VPS37A: variants seen among roughly 807,000 people sequenced by gnomAD.
VPS37A encodes the protein vacuolar protein sorting-associated protein 37A.
In VPS37A, 30 loss-of-function variants were observed where a neutral mutation model predicts 49.8. The observed-to-expected ratio is 0.60, with a 90% CI of 0.45 to 0.82. VPS37A has a LOEUF of 0.82. Ranked by LOEUF, VPS37A falls within the 40% of genes least tolerant of loss-of-function variation. VPS37A has a pLI of 0.00. For synonymous variants in VPS37A, 195 were observed against 160.6 expected (o/e 1.21, Z -1.62); for missense variants, 593 against 464.4 (o/e 1.28, Z -2.55).
At chr8:17,333,071 G>A in the VPS37A span, among the ~76,000 whole-genome samples, 10 of 152,140 alleles carry the variant, frequency 6.6e-5, no homozygotes, top group Admixed American at 4.6e-4. Context: ...TGCCATAGGA[G>A]CCCAGGCTGG....
chr8:17,264,402 T>A (rs1226595178), intron 1 of VPS37A, among the ~76,000 whole-genome samples: 1 of 152,214 alleles, frequency 6.6e-6, no homozygotes, highest in Non-Finnish European at 1.5e-5. Flanking sequence ...GGTTTTTCAG[T>A]CCAAACCTAA....
At chr8:17,265,785 G>A (rs559679256) in intron 1 of VPS37A, 122 bp from the exon 2 acceptor site, 1 of 1,553,610 alleles carries the variant, frequency 6.4e-7, no homozygotes, top group Non-Finnish European at 8.7e-7. Context: ...AAGTTATGCT[G>A]GCTATCCAGA....
At chr8:17,331,024 A>G in the VPS37A span, 1 of 1,148,100 alleles carries the variant, frequency 8.7e-7, no homozygotes, top group Non-Finnish European at 1.2e-6. Context: ...AAGCCACTGT[A>G]ACATGATATT....
chr8:17,268,849 CT>C lies in VPS37A; in HGVS notation c.316-4del. On this transcript the variant is annotated splice_polypyrimidine_tract_variant and splice_region_variant and intron_variant, in intron 3 of 11. Transcript: ENST00000324849. ...TGATTTTAAGCGTCATGTATTGTTA[CT>C]TTCAGTTTACAATGCACTCAGATCT... 6.3e-7 allele frequency: 1 copy of C among 1,581,696 alleles called. No individual in the cohort carries two copies. Among genetic ancestry groups the C allele is most frequent in the Non-Finnish European group, 8.6e-7 (1 of 1,157,700 alleles).
chr8:17,277,746 G>C (rs565767569), intron 6 of VPS37A, among the ~76,000 whole-genome samples: 14 of 151,514 alleles, frequency 9.2e-5, no homozygotes, highest in African/African-American at 3.1e-4. Context: ...TAATATTTTT[G>C]TGGGCAGTTT....
chr8:17,327,369 C>A, the VPS37A span, among the ~76,000 whole-genome samples: 1 of 152,178 alleles, frequency 6.6e-6, no homozygotes, highest in Non-Finnish European at 1.5e-5. Flanking sequence ...CTCCCAGGCC[C>A]AAGTGATCCT....
At chr8:17,291,535 C>G (rs1325471815) in intron 11 of VPS37A, among the ~76,000 whole-genome samples, 1 of 147,226 alleles carries the variant, frequency 6.8e-6, no homozygotes, top group African/African-American at 2.5e-5. Flanking sequence ...TTTGTTTGCT[C>G]TTGCTTCTCT....
downstream of VPS37A, among the ~76,000 whole-genome samples, chr8:17,300,607 T>G (rs2150456262): frequency 6.6e-6 from 1 of 152,370 alleles, no homozygotes; most frequent in South Asian, 2.1e-4. Flanking sequence ...ACTTTTATAC[T>G]GAGATACAAT....
intron 4 of VPS37A, among the ~76,000 whole-genome samples, chr8:17,270,774 T>C (rs1813902751): frequency 6.6e-6 from 1 of 152,136 alleles, no homozygotes; most frequent in South Asian, 2.1e-4. Flanking sequence ...TTCCTATAGG[T>C]GAATAGGCAC....
intron 11 of VPS37A, among the ~76,000 whole-genome samples, chr8:17,293,230 G>C (rs1198334064): frequency 6.6e-6 from 1 of 150,790 alleles, no homozygotes; most frequent in East Asian, 2.0e-4. Flanking sequence ...CCTTTCTTCT[G>C]CTTGATCGAT....
downstream of VPS37A, among the ~76,000 whole-genome samples, chr8:17,306,415 A>G (rs895768580): frequency 3.9e-5 from 6 of 152,232 alleles, no homozygotes; most frequent in Admixed American, 1.3e-4. Context: ...TGGTTTCCCA[A>G]GTTGCCAAGA....
chr8:17,293,873 A>G (rs1469758355), intron 11 of VPS37A, among the ~76,000 whole-genome samples: 1 of 152,146 alleles, frequency 6.6e-6, no homozygotes, highest in Admixed American at 6.5e-5. Context: ...GCTCTCCTGT[A>G]TGAGCTGTCT....
chr8:17,276,262 T>C (rs999878238), intron 5 of VPS37A, 135 bp from the exon 6 acceptor site: 3 of 650,136 alleles, frequency 4.6e-6, no homozygotes, highest in South Asian at 2.2e-5. Flanking sequence ...ACTAAGGCAG[T>C]GTGAGATGTG....
chr8:17,256,055 C>T (rs965980492), intron 1 of VPS37A, among the ~76,000 whole-genome samples: 2 of 151,724 alleles, frequency 1.3e-5, no homozygotes, highest in East Asian at 1.9e-4. Flanking sequence ...TACCCAGTAG[C>T]AGAATTGCTG....
chr8:17,292,667 T>A (rs1409364751), intron 11 of VPS37A, among the ~76,000 whole-genome samples: 1 of 152,208 alleles, frequency 6.6e-6, no homozygotes, highest in Non-Finnish European at 1.5e-5. Context: ...GGTGACAGAA[T>A]CCCTCAGCAT....
At chr8:17,248,728 G>A (rs999262592) in intron 1 of VPS37A, among the ~76,000 whole-genome samples, 2 of 152,044 alleles carry the variant, frequency 1.3e-5, no homozygotes, top group African/African-American at 4.8e-5. Flanking sequence ...CTAAAATAAG[G>A]CCTGATGCTG....
the VPS37A span, among the ~76,000 whole-genome samples, chr8:17,309,488 C>G: frequency 2.0e-5 from 3 of 152,156 alleles, no homozygotes; most frequent in East Asian, 5.8e-4. Flanking sequence ...TAGAGATGCA[C>G]ATGGCAAAGG....
downstream of VPS37A, chr8:17,299,025 A>ATACTT (rs1816924369): frequency 6.6e-6 from 1 of 152,218 alleles, no homozygotes; most frequent in African/African-American, 2.4e-5. Context: ...TTATAATGTG[A>ATACTT]TACTTTGAGA....
intron 11 of VPS37A, among the ~76,000 whole-genome samples, chr8:17,288,638 G>A (rs1815848256): frequency 6.6e-6 from 1 of 152,170 alleles, no homozygotes; most frequent in Non-Finnish European, 1.5e-5. Context: ...CATTTGGGTT[G>A]GTTCCAAGTC....
Sources: allele counts gnomAD v4.1 joint callset (sites outside exome capture counted in the v4.1 genomes callset), GRCh38; gene constraint gnomAD v4.1.1; transcripts MANE v1.5; gene names NCBI Gene and HGNC (gene_info 2026-07-23, HGNC 2026-07-21).